The following SORCS1 variants were observed in gnomAD, a reference collection of about 807,000 sequenced individuals.
SORCS1 encodes VPS10 domain-containing receptor SorCS1.
In SORCS1, 60 loss-of-function variants were observed where a neutral mutation model predicts 146.1. The observed-to-expected ratio is 0.41, with a 90% confidence interval of 0.33 to 0.51. The LOEUF (loss-of-function observed/expected upper bound fraction) is 0.51, where lower values mean the gene tolerates loss of function less well. Ranked by LOEUF, SORCS1 falls within the 20% of genes least tolerant of loss-of-function variation. SORCS1 has a pLI of 0.21. For synonymous variants in SORCS1, 637 were observed against 584.0 expected (o/e 1.09, Z -1.31); for missense variants, 1,352 against 1,487.6 (o/e 0.91, Z 1.50).
At chr10:106,957,006 T>C (rs1406087883) in intron 1 of SORCS1, among the ~76,000 whole-genome samples, 3 of 152,184 alleles carry the variant, frequency 2.0e-5, no homozygotes, top group Non-Finnish European at 4.4e-5. Flanking sequence ...CTAGCTACCA[T>C]CTTTTTGGGA....
chr10:106,607,346 T>C (rs371852197), intron 22 of SORCS1, 49 bp from the exon 23 acceptor site: 5 of 1,606,004 alleles, frequency 3.1e-6, no homozygotes, highest in East Asian at 4.5e-5. Context: ...AGAAGAAAGC[T>C]GAGAAGGGAC....
the SORCS1 span, among the ~76,000 whole-genome samples, chr10:107,170,175 G>A: frequency 6.6e-6 from 1 of 152,048 alleles, no homozygotes; most frequent in African/African-American, 2.4e-5. Context: ...TGTAACTTCT[G>A]TGTTCTCTGT....
At chr10:106,962,756 C>T (rs1040951370) in intron 1 of SORCS1, among the ~76,000 whole-genome samples, 56 of 152,182 alleles carry the variant, frequency 3.7e-4, no homozygotes, top group Non-Finnish European at 1.0e-4. Flanking sequence ...CTTAGCCATA[C>T]TAATGGTCAT....
chr10:106,747,628 T>C (rs940569266), intron 5 of SORCS1, among the ~76,000 whole-genome samples: 1 of 152,236 alleles, frequency 6.6e-6, no homozygotes, highest in Admixed American at 6.5e-5. Flanking sequence ...ATTCTGCATC[T>C]CGGTAGTTAT....
chr10:107,010,042 T>C (rs1312845266), intron 1 of SORCS1, among the ~76,000 whole-genome samples: 1 of 152,182 alleles, frequency 6.6e-6, no homozygotes, highest in Non-Finnish European at 1.5e-5. Context: ...TGGAAGCCAG[T>C]ATAGTCTCAG....
At chr10:106,990,636 G>A (rs892615925) in intron 1 of SORCS1, among the ~76,000 whole-genome samples, 8 of 152,192 alleles carry the variant, frequency 5.3e-5, no homozygotes, top group African/African-American at 1.9e-4. Flanking sequence ...CAAATCACAA[G>A]GGCAAATGGG....
At position 106,613,253 on chromosome 10, in the gene SORCS1, G is replaced by T. The variant is rs150703064; in HGVS notation, c.2921-1230C>A. Among the ~76,000 whole-genome samples, 532 of 152,288 alleles carry T rather than the reference G, an allele frequency of 3.5e-3. 5 individuals are homozygous for T. The highest frequency in any genetic ancestry group is 0.012 in the African/African-American group (516 of 41,556). On this transcript the variant is annotated intron_variant, in intron 21 of 25. Coordinates refer to ENST00000263054, the MANE Select transcript of SORCS1 (RefSeq NM_052918.5). The stretch of plus-strand genomic sequence containing the variant: ...CAGGAAGCAAGATGGTGATTACACA[G>T]GCAAGGATTATATGAGGGGAATTCT...
intron 1 of SORCS1, among the ~76,000 whole-genome samples, chr10:107,031,253 G>A (rs989362977): frequency 4.6e-5 from 7 of 152,104 alleles, no homozygotes; most frequent in Non-Finnish European, 1.0e-4. Flanking sequence ...TTCATTTATA[G>A]CTAAGCTCCT....
intron 3 of SORCS1, among the ~76,000 whole-genome samples, chr10:106,779,138 C>T (rs1169428175): frequency 6.6e-6 from 1 of 152,084 alleles, no homozygotes. Context: ...TGAAAATAGG[C>T]AGACCAAAAT....
intron 1 of SORCS1, among the ~76,000 whole-genome samples, chr10:107,062,009 A>G (rs895150264): frequency 2.6e-5 from 4 of 152,248 alleles, no homozygotes; most frequent in Middle Eastern, 3.4e-3. Context: ...ATATCAATTA[A>G]TCTTCATAGC....
At chr10:107,084,939 T>C (rs1963649989) in intron 1 of SORCS1, among the ~76,000 whole-genome samples, 1 of 152,218 alleles carries the variant, frequency 6.6e-6, no homozygotes, top group Non-Finnish European at 1.5e-5. Flanking sequence ...ATTGATGATC[T>C]ACCAGATATA....
At chr10:106,759,917 C>A (rs1192890525) in intron 5 of SORCS1, among the ~76,000 whole-genome samples, 1 of 3,282 alleles carries the variant, frequency 3.0e-4, no homozygotes, top group Non-Finnish European at 4.9e-4. Context: ...TAAACTGCAT[C>A]CCTCAAAAAA....
At chr10:106,830,103 T>C (rs571917426) in intron 2 of SORCS1, among the ~76,000 whole-genome samples, 16 of 152,316 alleles carry the variant, frequency 1.1e-4, no homozygotes, top group African/African-American at 3.8e-4. Flanking sequence ...AGGGAATATA[T>C]GGTGGGTCAG....
intron 1 of SORCS1, among the ~76,000 whole-genome samples, chr10:107,063,055 C>T (rs906305270): frequency 1.3e-5 from 2 of 152,126 alleles, no homozygotes; most frequent in Non-Finnish European, 2.9e-5. Context: ...TGATGAATGA[C>T]TGTGAGACAC....
At chr10:106,779,629 C>T (rs183303810) in intron 3 of SORCS1, among the ~76,000 whole-genome samples, 20 of 148,952 alleles carry the variant, frequency 1.3e-4, no homozygotes, top group African/African-American at 4.2e-4. Context: ...CAGCTCACTG[C>T]AACCTCTGCC....
intron 1 of SORCS1, among the ~76,000 whole-genome samples, chr10:107,106,171 C>T (rs149215719): frequency 1.3e-3 from 200 of 152,302 alleles, no homozygotes; most frequent in Non-Finnish European, 2.2e-3. Context: ...ATACTAGGTA[C>T]ATTCAGATGA....
intron 3 of SORCS1, among the ~76,000 whole-genome samples, chr10:106,786,360 T>C (rs1311179806): frequency 1.3e-5 from 2 of 152,144 alleles, no homozygotes; most frequent in Non-Finnish European, 2.9e-5. Context: ...CTGTATCTGG[T>C]TGGACCTCTC....
intron 2 of SORCS1, among the ~76,000 whole-genome samples, chr10:106,884,645 A>C (rs1192270105): frequency 6.6e-6 from 1 of 152,218 alleles, no homozygotes; most frequent in Non-Finnish European, 1.5e-5. Context: ...AGACAAATTA[A>C]ATTCTCCTCC....
intron 18 of SORCS1, among the ~76,000 whole-genome samples, chr10:106,647,573 T>C (rs1849542934): frequency 6.6e-6 from 1 of 152,212 alleles, no homozygotes; most frequent in African/African-American, 2.4e-5. Context: ...AAATAGTCAA[T>C]TGATTTATGA....
Sources: gnomAD v4.1 joint callset for allele counts (sites outside exome capture counted in the v4.1 genomes callset) on GRCh38, gnomAD v4.1.1 for gene constraint, MANE v1.5 for transcripts, NCBI Gene and HGNC (gene_info 2026-07-23, HGNC 2026-07-21) for gene names.